COL9A2: variants seen among roughly 807,000 people sequenced by gnomAD.
The protein encoded by COL9A2 is collagen type IX alpha 2 chain.
COL9A2 carries 66 observed loss-of-function variants against 111.6 expected under a neutral mutation model. The ratio of observed to expected loss-of-function variants is 0.59; its 90% CI spans 0.48 to 0.73. The LOEUF is 0.73. Among genes scored for constraint, COL9A2 ranks in the 30% least tolerant of loss-of-function variants. The pLI is 0.00. For missense variants in COL9A2, 881 were observed against 954.1 expected, an observed-to-expected ratio of 0.92 and a Z score of 1.01; for synonymous variants, 353 against 364.1, an observed-to-expected ratio of 0.97 and a Z score of 0.35.
rs1219960333 is a variant in COL9A2, at chr1:40,303,382, C to T, written c.1548+148G>A. Reference sequence around the variant, plus strand: ...TCGCGGGGTAATCCCTCAGGCTGCACTCACAGCCTTCCTGTCTGCTCTGGG... The same window carrying T: ...TCGCGGGGTAATCCCTCAGGCTGCATTCACAGCCTTCCTGTCTGCTCTGGG... On this transcript the variant is annotated intron_variant, in intron 28 of 31. Transcript: ENST00000372748. This position sits in a 1 kb window ranked among gnomAD's most constrained non-coding sequence, Gnocchi z 4.6. The T allele has an allele frequency of 3.7e-5, 47 of 1,257,256 alleles. No homozygotes were observed. The highest frequency in any genetic ancestry group is 5.1e-5 in the Non-Finnish European group (45 of 886,500). 77.9% of individuals were successfully genotyped at this position (1,257,256 alleles called of 1,614,324 possible). A position where few individuals can be genotyped will look rare whatever the true frequency, so the allele number is the denominator to read the frequency against.
In COL9A2 at chr1:40,307,131, C is replaced by T. The variant is rs1442547594; in HGVS notation, c.1008+315G>A. Among the ~76,000 whole-genome samples the T allele has an allele frequency of 6.6e-6, 1 of 152,198 alleles. No homozygotes were observed. The highest frequency in any genetic ancestry group is 1.9e-4 in the East Asian group (1 of 5,198). On this transcript the variant is annotated intron_variant, in intron 19 of 31. Transcript: ENST00000372748. The surrounding 1 kb of genome is among the most constrained non-coding windows in gnomAD (Gnocchi z 4.8). The stretch of plus-strand genomic sequence containing the variant: ...AAGTGCTGGGATTATAGGCATGAGC[C>T]ACTGCACCCGACCTCAATAACTACT...
rs772277162 is a variant in COL9A2, at chr1:40,302,817, G to A, written c.1604-8C>T. 8.2e-7 allele frequency: 1 copy of A among 1,224,266 alleles called. No individual in the cohort carries two copies. Among genetic ancestry groups the A allele is most frequent in the Non-Finnish European group, 1.1e-6 (1 of 895,804 alleles). The allele number at this position is 1,224,266 out of a possible 1,614,324, so 75.8% of individuals were successfully genotyped here. ...CGACCTCTGCCAGTTGCTCTGGAGGGAGGGAGGGAGGGAGGGAGAGGGAAG... is the reference window on the plus strand; with the variant it reads ...CGACCTCTGCCAGTTGCTCTGGAGGAAGGGAGGGAGGGAGGGAGAGGGAAG... On this transcript the variant is annotated splice_polypyrimidine_tract_variant and splice_region_variant and intron_variant, in intron 29 of 31. Transcript: ENST00000372748. The surrounding 1 kb of genome is among the most constrained non-coding windows in gnomAD (Gnocchi z 4.5).
intron 16 of COL9A2, among the ~76,000 whole-genome samples, chr1:40,308,974 G>C (rs971471809): frequency 1.6e-4 from 25 of 152,182 alleles, no homozygotes; most frequent in Admixed American, 7.2e-4. Context: ...TGCTGGGCGT[G>C]TTGGCTCACA....
In COL9A2 at chr1:40,311,793, C is replaced by T; in HGVS notation, c.418-78G>A. 7.1e-7 allele frequency: 1 copy of T among 1,405,632 alleles called. No homozygotes were observed. The highest frequency in any genetic ancestry group is 1.0e-6 in the Non-Finnish European group (1 of 991,878). The allele number at this position is 1,405,632 out of a possible 1,614,324, so 87.1% of individuals were successfully genotyped here. A position where few individuals can be genotyped will look rare whatever the true frequency, so the allele number is the denominator to read the frequency against. On this transcript the variant is annotated intron_variant, in intron 8 of 31. Coordinates refer to ENST00000372748, the MANE Select transcript of COL9A2 (RefSeq NM_001852.4). This position sits in a 1 kb window ranked among gnomAD's most constrained non-coding sequence, Gnocchi z 5.1. ...CCCTAGTGCCCTCCTCCAGGTCCTG[C>T]CTCTGCCCTCTCCACCCTGTCTTCC...
intron 1 of COL9A2, 40 bp from the exon 2 acceptor site, chr1:40,315,704 G>A (rs1030893249): frequency 4.8e-6 from 7 of 1,469,210 alleles, no homozygotes; most frequent in South Asian, 2.5e-5. Flanking sequence ...CTCAGACAGT[G>A]CAGGAAGCTG....
Position 40,310,789 on chromosome 1 carries a change from TCAGA to T in COL9A2, c.631-26_631-23del. ...GACCCTAAAGGGCAGGGATGAGCTG[TCAGA>T]CAGGCAGGCAGATGGAAAGACACAT... On this transcript the variant is annotated intron_variant, in intron 12 of 31. Coordinates refer to ENST00000372748, the MANE Select transcript of COL9A2 (RefSeq NM_001852.4). The surrounding 1 kb of genome is among the most constrained non-coding windows in gnomAD (Gnocchi z 4.9). 6.4e-7 allele frequency: 1 copy of T among 1,553,950 alleles called. No individual in the cohort carries two copies. The highest frequency in any genetic ancestry group is 8.7e-7 in the Non-Finnish European group (1 of 1,147,224).
At chr1:40,315,916 G>A in intron 1 of COL9A2, 1 of 448,380 alleles carries the variant, frequency 2.2e-6, no homozygotes, top group Non-Finnish European at 4.0e-6. Flanking sequence ...GGCTCAGAAC[G>A]TGAAGGGTCC....
chr1:40,301,910 C>A (rs1241169085), intron 30 of COL9A2, 21 bp from the exon 31 acceptor site: 6 of 1,605,682 alleles, frequency 3.7e-6, no homozygotes, highest in Non-Finnish European at 5.1e-6. Flanking sequence ...AAAAGGAAAT[C>A]TTCATTTTTC....
At chr1:40,305,877 G>T in intron 20 of COL9A2, 109 bp from the exon 21 acceptor site, 1 of 984,286 alleles carries the variant, frequency 1.0e-6, no homozygotes, top group South Asian at 1.3e-5. Flanking sequence ...AGCTGGGACG[G>T]GGGAGAGGGT....
Position 40,311,419 on chromosome 1 carries a change from C to A in COL9A2, c.519+81G>T, listed in dbSNP as rs919738806. On this transcript the variant is annotated intron_variant, in intron 10 of 31. Transcript: ENST00000372748. This position sits in a 1 kb window ranked among gnomAD's most constrained non-coding sequence, Gnocchi z 5.1. ...CAGCCCCTCCCCATCTCTCCAGACA[C>A]CCCCATCTCCGTGGCCCCGCCTCCC... The A allele has an allele frequency of 6.9e-6, 11 of 1,583,076 alleles. No individual in the cohort carries two copies. The highest frequency in any genetic ancestry group is 2.1e-4 in the Middle Eastern group (1 of 4,824).
At position 40,303,604 on chromosome 1, in the gene COL9A2, G is replaced by C; in HGVS notation, c.1474C>G (p.Pro492Ala). The C allele has an allele frequency of 6.2e-7, 1 of 1,606,392 alleles. No homozygotes were observed. Among genetic ancestry groups the C allele is most frequent in the Non-Finnish European group, 8.5e-7 (1 of 1,177,348 alleles). ...AGTCCTCGAGGGCCGGGGGGACCAGGGTAGCCCTGAACCCCTGGGGCGCCC... is the reference window on the plus strand; with the variant it reads ...AGTCCTCGAGGGCCGGGGGGACCAGCGTAGCCCTGAACCCCTGGGGCGCCC... ...DAGAPGVQGY[P>A]GPPGPRGLAG... The change falls in exon 28 of 32, where the codon CCT becomes GCT. Residue 492 changes from proline to alanine, a missense_variant. By Grantham distance (27) the Pro-to-Ala change is conservative. Coordinates refer to ENST00000372748, the MANE Select transcript of COL9A2 (RefSeq NM_001852.4). This position sits in a 1 kb window ranked among gnomAD's most constrained non-coding sequence, Gnocchi z 4.6.
chr1:40,310,307 C>A lies in COL9A2; in HGVS notation c.695G>T (p.Gly232Val). The A allele has an allele frequency of 6.2e-7, 1 of 1,614,030 alleles. No individual in the cohort carries two copies. Among genetic ancestry groups the A allele is most frequent in the African/African-American group, 1.3e-5 (1 of 75,022 alleles). The change falls in exon 14 of 32, where the codon GGC (glycine) becomes GTC (valine). Residue 232 changes from glycine (G) to valine (V), a missense_variant. Transcript: ENST00000372748. This position sits in a 1 kb window ranked among gnomAD's most constrained non-coding sequence, Gnocchi z 4.9. ...QGIPGPPGPQ[G>V]IRGYPGMAGP... is the part of the protein sequence containing the mutation. ...TGCCATGCCTGGGTAGCCCCTGATG[C>A]CCTGGGGACCCTGTTGAGAAAGAAA... is the stretch of plus-strand genomic sequence containing the variant.
At chr1:40,304,949 C>T in intron 21 of COL9A2, 102 bp from the exon 22 acceptor site, 1 of 1,032,202 alleles carries the variant, frequency 9.7e-7, no homozygotes, top group Non-Finnish European at 1.4e-6. Flanking sequence ...TAATTTGCTT[C>T]ATCAGGGAAG....
rs1383668892 is a variant in COL9A2 at position 40,310,341 on chromosome 1, C to G, written c.685-24G>C. The G allele has an allele frequency of 1.2e-6, 2 of 1,613,366 alleles. No homozygotes were observed. Among genetic ancestry groups the G allele is most frequent in the Non-Finnish European group, 1.7e-6 (2 of 1,179,576 alleles). On this transcript the variant is annotated intron_variant, in intron 13 of 31. Transcript: ENST00000372748. The surrounding 1 kb of genome is among the most constrained non-coding windows in gnomAD (Gnocchi z 4.9). Reference sequence around the variant, plus strand: ...CCCTGTTGAGAAAGAAAAATGACAGCAATGGCAATTGCAAGGCCCACTTCA... The same window carrying G: ...CCCTGTTGAGAAAGAAAAATGACAGGAATGGCAATTGCAAGGCCCACTTCA...
rs1644152893 is a variant in COL9A2, at chr1:40,312,784, C to T, written c.250G>A (p.Gly84Ser). Residue 84 changes from glycine to serine, a missense_variant and splice_region_variant, in exon 5 of 32, where the codon GGT becomes AGT. Coordinates refer to ENST00000372748, the MANE Select transcript of COL9A2 (RefSeq NM_001852.4). The surrounding 1 kb of genome is among the most constrained non-coding windows in gnomAD (Gnocchi z 6.0). ...DGPDGKPGIDGLTGAKGEPGP... is the reference protein window; with the variant it reads ...DGPDGKPGIDSLTGAKGEPGP... ...GGCTCCCCCTTGGCTCCAGTTAAAC[C>T]CTGGGGAAGAATGAAAATGTAGGAT... 9 of 1,551,090 alleles carry T rather than the reference C, an allele frequency of 5.8e-6. No individual in the cohort carries two copies. Among genetic ancestry groups the T allele is most frequent in the Non-Finnish European group, 7.8e-6 (9 of 1,146,912 alleles).
chr1:40,312,791 A>G lies in COL9A2; in HGVS notation c.250-7T>C, dbSNP rs146943340. On this transcript the variant is annotated splice_polypyrimidine_tract_variant and splice_region_variant and intron_variant, in intron 4 of 31. Transcript: ENST00000372748. This position sits in a 1 kb window ranked among gnomAD's most constrained non-coding sequence, Gnocchi z 6.0. Reference sequence around the variant, plus strand: ...CCTTGGCTCCAGTTAAACCCTGGGGAAGAATGAAAATGTAGGATCAATGAG... The same window carrying G: ...CCTTGGCTCCAGTTAAACCCTGGGGGAGAATGAAAATGTAGGATCAATGAG... 3.2e-4 allele frequency: 489 copies of G among 1,550,658 alleles called. 2 individuals carry two copies. In the African/African-American group the frequency reaches 5.4e-3, roughly 17 times the overall value.
In COL9A2 at chr1:40,304,090, C is replaced by T; in HGVS notation, c.1297G>A (p.Gly433Arg). 3 of 1,565,030 alleles carry T rather than the reference C, an allele frequency of 1.9e-6. No homozygotes were observed. Among genetic ancestry groups the T allele is most frequent in the Non-Finnish European group, 2.6e-6 (3 of 1,156,402 alleles). The change falls in exon 25 of 32, where the codon GGG becomes AGG. Residue 433 changes from glycine (G) to arginine (R), a missense_variant. Transcript: ENST00000372748. ...PGVKGDKGSP[G>R]KTGPRGKVGD... ...ACTTTGCCGCGGGGCCCGGTCTTCC[C>T]TGGGGAGCCCTGGAGAAAGCGGGCA...
At position 40,311,819 on chromosome 1, in the gene COL9A2, C is replaced by T. The variant is rs111469107; in HGVS notation, c.418-104G>A. 6.5e-5 allele frequency: 82 copies of T among 1,259,594 alleles called. 2 individuals carry two copies. The highest frequency in any genetic ancestry group is 3.4e-4 in the African/African-American group (23 of 67,978). 78.0% of individuals were successfully genotyped at this position (1,259,594 alleles called of 1,614,324 possible). A position where few individuals can be genotyped will look rare whatever the true frequency, so the allele number is the denominator to read the frequency against. On this transcript the variant is annotated intron_variant, in intron 8 of 31. Coordinates refer to ENST00000372748, the MANE Select transcript of COL9A2 (RefSeq NM_001852.4). The surrounding 1 kb of genome is among the most constrained non-coding windows in gnomAD (Gnocchi z 5.1). ...CTCTGCCCTCTCCACCCTGTCTTCC[C>T]GGTCACTTTGTGAGATCCACCATCT...
Position 40,307,873 on chromosome 1 carries a change from TC to T in COL9A2, c.901-118del. 8.6e-7 allele frequency: 1 copy of T among 1,168,058 alleles called. No individual in the cohort carries two copies. The allele number at this position is 1,168,058 out of a possible 1,614,324, so 72.4% of individuals were successfully genotyped here. A position where few individuals can be genotyped will look rare whatever the true frequency, so the allele number is the denominator to read the frequency against. On this transcript the variant is annotated intron_variant, in intron 17 of 31. Transcript: ENST00000372748. This position sits in a 1 kb window ranked among gnomAD's most constrained non-coding sequence, Gnocchi z 4.8. ...TGCAGGGAGGGAGTGGCTCTGGTCA[TC>T]CCAGGAAGCCCCACTGGCCAACTGG... is the stretch of plus-strand genomic sequence containing the variant.
Sources: allele counts gnomAD v4.1 joint callset (sites outside exome capture counted in the v4.1 genomes callset), GRCh38; gene constraint gnomAD v4.1.1; non-coding constraint Gnocchi (gnomAD v3.1); transcripts MANE v1.5; gene names NCBI Gene and HGNC (gene_info 2026-07-23, HGNC 2026-07-21).